COLEC10: variants seen among roughly 807,000 people sequenced by gnomAD.
COLEC10 encodes collectin-10.
A neutral mutation model predicts 28.4 loss-of-function variants in COLEC10; 22 were observed. The observed-to-expected ratio is 0.78, with a 90% CI of 0.55 to 1.11. The LOEUF (loss-of-function observed/expected upper bound fraction) is 1.11, where lower values mean the gene tolerates loss of function less well. COLEC10 is among the 50% of genes least tolerant of loss of function. COLEC10 has a pLI of 0.00. For missense variants in COLEC10, 361 were observed against 344.1 expected (o/e 1.05, Z -0.39); for synonymous variants, 125 against 116.1 (o/e 1.08, Z -0.49).
intron 3 of COLEC10, among the ~76,000 whole-genome samples, chr8:119,092,126 G>A (rs1473079795): frequency 1.4e-5 from 2 of 147,326 alleles, no homozygotes; most frequent in African/African-American, 5.0e-5. Flanking sequence ...CTGGAGTGCA[G>A]TGGTGGGATC....
chr8:118,958,540 C>T, the COLEC10 span, among the ~76,000 whole-genome samples: 101,781 of 152,124 alleles, frequency 0.67, 36,076 homozygotes, highest in African/African-American at 0.92. Context: ...AAAAGCCTCA[C>T]GGCTGAAGCT....
At chr8:119,065,274 C>T (rs1814931978), upstream of COLEC10, among the ~76,000 whole-genome samples, 1 of 152,140 alleles carries the variant, frequency 6.6e-6, no homozygotes, top group Non-Finnish European at 1.5e-5. Flanking sequence ...CCACATCAGT[C>T]ACATTACTGC....
rs976986605 is a variant in COLEC10 at position 119,010,418 on chromosome 8, A to G, written n.235+865A>G. Among the ~76,000 whole-genome samples, 11 of 151,016 alleles carry G rather than the reference A, an allele frequency of 7.3e-5. 1 individual carries two copies. Among genetic ancestry groups the G allele is most frequent in the African/African-American group, 2.7e-4 (11 of 40,404 alleles). On this transcript the variant is annotated intron_variant and non_coding_transcript_variant, in intron 2 of 6. Transcript: ENST00000521788. ...TACTTATCCATTTACCTACTGAATA[A>G]CATCTTGGTTGCTTTTAAGTTTTGG...
chr8:118,983,505 G>A, the COLEC10 span, among the ~76,000 whole-genome samples: 1 of 152,052 alleles, frequency 6.6e-6, no homozygotes, highest in Non-Finnish European at 1.5e-5. Flanking sequence ...TAATTATTAT[G>A]TGTTGAACTG....
intron 3 of COLEC10, among the ~76,000 whole-genome samples, chr8:119,098,521 A>C (rs190897271): frequency 1.1e-4 from 17 of 152,180 alleles, no homozygotes; most frequent in Admixed American, 2.0e-4. Context: ...TCTTGGGAGA[A>C]CAAATGAATG....
At chr8:119,012,622 T>TA (rs1416198787) in intron 2 of COLEC10, among the ~76,000 whole-genome samples, 2 of 150,812 alleles carry the variant, frequency 1.3e-5, no homozygotes, top group Non-Finnish European at 2.9e-5. Flanking sequence ...CTTGGAAGGT[T>TA]ATTAATTATT....
At chr8:119,010,634 A>T (rs1265177679) in intron 2 of COLEC10, among the ~76,000 whole-genome samples, 1 of 151,108 alleles carries the variant, frequency 6.6e-6, no homozygotes, top group Non-Finnish European at 1.5e-5. Context: ...AATGGATGCA[A>T]GTTCCTGTTG....
the COLEC10 span, among the ~76,000 whole-genome samples, chr8:118,968,963 C>T: frequency 3.3e-5 from 5 of 150,852 alleles, no homozygotes; most frequent in African/African-American, 4.9e-5. Context: ...ACCCAGAAAC[C>T]GTGAGTGTGT....
intron 2 of COLEC10, among the ~76,000 whole-genome samples, chr8:119,031,395 A>G (rs1405571556): frequency 2.0e-5 from 3 of 152,252 alleles, no homozygotes; most frequent in Non-Finnish European, 4.4e-5. Flanking sequence ...TCATAGAAGT[A>G]TGTAGAATTC....
the COLEC10 span, among the ~76,000 whole-genome samples, chr8:118,973,504 A>G: frequency 2.6e-5 from 4 of 152,026 alleles, no homozygotes; most frequent in Non-Finnish European, 5.9e-5. Context: ...TTTACCATGT[A>G]CATTTCTCCA....
chr8:119,016,936 G>A (rs897286625), intron 2 of COLEC10, among the ~76,000 whole-genome samples: 20 of 152,034 alleles, frequency 1.3e-4, no homozygotes, highest in African/African-American at 4.8e-4. Context: ...AGGATGGTCT[G>A]ATCTCTTGAT....
upstream of COLEC10, among the ~76,000 whole-genome samples, chr8:118,990,586 G>A (rs1421308549): frequency 6.6e-6 from 1 of 152,122 alleles, no homozygotes; most frequent in Non-Finnish European, 1.5e-5. Flanking sequence ...TGAGGGGATA[G>A]AGCTTCAAAG....
chr8:119,033,026 G>A (rs113687680), intron 2 of COLEC10, among the ~76,000 whole-genome samples: 2 of 151,952 alleles, frequency 1.3e-5, no homozygotes, highest in African/African-American at 4.8e-5. Flanking sequence ...TCTTTTTTAC[G>A]CTGTAGTTAG....
chr8:118,964,009 T>C, the COLEC10 span, among the ~76,000 whole-genome samples: 1 of 152,066 alleles, frequency 6.6e-6, no homozygotes, highest in Admixed American at 6.6e-5. Context: ...TGTGGGGAGA[T>C]GGAAAAAGTG....
chr8:118,992,993 A>G (rs1228163398), upstream of COLEC10, among the ~76,000 whole-genome samples: 2 of 152,230 alleles, frequency 1.3e-5, no homozygotes, highest in African/African-American at 2.4e-5. Flanking sequence ...CAGCTCTACA[A>G]TGGAATGGGC....
chr8:119,090,724 G>A (rs1023736988), intron 2 of COLEC10, among the ~76,000 whole-genome samples: 7 of 152,050 alleles, frequency 4.6e-5, no homozygotes, highest in African/African-American at 9.7e-5. Flanking sequence ...CATGTTCCCC[G>A]CCCTGTTTTT....
chr8:119,027,285 C>T (rs1814209896), intron 2 of COLEC10, among the ~76,000 whole-genome samples: 1 of 152,144 alleles, frequency 6.6e-6, no homozygotes, highest in South Asian at 2.1e-4. Flanking sequence ...CCTTGGACTT[C>T]TCCTAGACTG....
At chr8:119,056,336 A>G (rs1490713276) in intron 2 of COLEC10, among the ~76,000 whole-genome samples, 4 of 152,088 alleles carry the variant, frequency 2.6e-5, no homozygotes, top group Non-Finnish European at 5.9e-5. Flanking sequence ...AGCATAGGAC[A>G]TAGTTCTGGA....
intron 1 of COLEC10, among the ~76,000 whole-genome samples, chr8:119,084,159 C>T (rs1356315325): frequency 1.3e-5 from 2 of 152,146 alleles, no homozygotes; most frequent in Non-Finnish European, 2.9e-5. Context: ...GAGGGAGCCA[C>T]CCCCAGGATG....
Sources: gnomAD v4.1 joint callset for allele counts (sites outside exome capture counted in the v4.1 genomes callset) on GRCh38, gnomAD v4.1.1 for gene constraint, MANE v1.5 for transcripts, NCBI Gene and HGNC (gene_info 2026-07-23, HGNC 2026-07-21) for gene names.